GCA: variants seen among roughly 807,000 people sequenced by gnomAD.
The protein encoded by GCA is grancalcin.
GCA carries 30 observed loss-of-function variants against 32.6 expected under a neutral mutation model. That is an observed-to-expected ratio of 0.92 (90% CI 0.69 to 1.25). GCA has a LOEUF of 1.25. GCA is among the 50% of genes most tolerant of loss of function. The probability of loss-of-function intolerance (pLI) is 0.00; values close to 1 mark genes in which losing one functional copy is unlikely to be tolerated. For synonymous variants in GCA, 102 were observed against 84.6 expected (o/e 1.21, Z -1.13); for missense variants, 291 against 266.8 (o/e 1.09, Z -0.63).
At chr2:162,321,776 G>A (rs907659338) in intron 1 of GCA, among the ~76,000 whole-genome samples, 1 of 151,482 alleles carries the variant, frequency 6.6e-6, no homozygotes, top group Non-Finnish European at 1.5e-5. Flanking sequence ...ATGTTTATGT[G>A]CCCAATATGT....
chr2:162,344,068 G>C (rs1255017434), upstream of GCA: 1 of 650,238 alleles, frequency 1.5e-6, no homozygotes, highest in Non-Finnish European at 2.7e-6. Flanking sequence ...CAGCCAATCG[G>C]AACCGTGCAG....
chr2:162,344,535 G>C, intron 1 of GCA: 1 of 515,540 alleles, frequency 1.9e-6, no homozygotes, highest in East Asian at 3.1e-5. Context: ...TGTGTGTTTG[G>C]AAATTTATTT....
At chr2:162,341,267 T>TTATATATATA (rs3052040), upstream of GCA, among the ~76,000 whole-genome samples, 1,165 of 116,112 alleles carry the variant, frequency 0.01, 16 homozygotes, top group African/African-American at 0.012. Context: ...CTTATTTATT[T>TTATATATATA]TATATATATA....
chr2:162,319,314 C>T (rs1347810962), intron 1 of GCA: 1 of 448,542 alleles, frequency 2.2e-6, no homozygotes, highest in East Asian at 7.0e-5. Context: ...TGACCAGGAC[C>T]TGGTAACAGA....
chr2:162,348,390 G>T (rs1041753406), intron 2 of GCA, among the ~76,000 whole-genome samples: 14 of 151,986 alleles, frequency 9.2e-5, no homozygotes, highest in African/African-American at 3.1e-4. Flanking sequence ...TCAGAGTCTC[G>T]TAAATTTATT....
intron 1 of GCA, among the ~76,000 whole-genome samples, chr2:162,330,118 A>G (rs972329867): frequency 2.0e-4 from 31 of 152,212 alleles, no homozygotes; most frequent in Admixed American, 1.3e-4. Flanking sequence ...TATTGTGAAT[A>G]GTGCTGCAAT....
At chr2:162,369,711 G>C (rs975416057) in intron 4 of GCA, among the ~76,000 whole-genome samples, 3 of 152,036 alleles carry the variant, frequency 2.0e-5, no homozygotes, top group South Asian at 4.1e-4. Flanking sequence ...CCTGAACTTA[G>C]GCCGGCAATC....
chr2:162,336,043 C>A (rs1014886287), intron 1 of GCA, among the ~76,000 whole-genome samples: 1 of 152,078 alleles, frequency 6.6e-6, no homozygotes, highest in South Asian at 2.1e-4. Context: ...AGGTAGTTTC[C>A]TACATGGATG....
intron 3 of GCA, among the ~76,000 whole-genome samples, chr2:162,356,166 A>C (rs1197675045): frequency 7.9e-5 from 12 of 152,042 alleles, no homozygotes; most frequent in Admixed American, 6.6e-4. Flanking sequence ...CAAGTGCTTT[A>C]CATACCTGGA....
At chr2:162,332,763 A>T (rs1416924231) in intron 1 of GCA, among the ~76,000 whole-genome samples, 1 of 151,574 alleles carries the variant, frequency 6.6e-6, no homozygotes, top group East Asian at 1.9e-4. Context: ...CAACTTCCAC[A>T]CAAAAATAAT....
intron 5 of GCA, among the ~76,000 whole-genome samples, chr2:162,357,377 A>G (rs1685333783): frequency 6.6e-6 from 1 of 151,798 alleles, no homozygotes; most frequent in Non-Finnish European, 1.5e-5. Flanking sequence ...AGAGTAATTT[A>G]GAAGTATATA....
intron 1 of GCA, among the ~76,000 whole-genome samples, chr2:162,335,272 A>G (rs1288128006): frequency 6.6e-6 from 1 of 152,040 alleles, no homozygotes; most frequent in Non-Finnish European, 1.5e-5. Flanking sequence ...AAATTTAGCC[A>G]GACATGGTGG....
intron 1 of GCA, among the ~76,000 whole-genome samples, chr2:162,320,703 T>C (rs1683631576): frequency 3.9e-5 from 6 of 152,256 alleles, no homozygotes; most frequent in Admixed American, 3.9e-4. Context: ...ATTTAAAATA[T>C]GTTTATTAAG....
chr2:162,329,575 A>G (rs1339732337), intron 1 of GCA, among the ~76,000 whole-genome samples: 1 of 151,454 alleles, frequency 6.6e-6, no homozygotes, highest in South Asian at 2.1e-4. Flanking sequence ...ACATGTGAAG[A>G]TTTTCTAAAT....
Position 162,354,734 on chromosome 2 carries a change from C to T in GCA, c.263-1704C>T, listed in dbSNP as rs1327112302. ...TCTCAGATCTAGGTTGGTTAACTCA[C>T]ATCCATCAGCTCTTCAACTTGCAAA... On this transcript the variant is annotated intron_variant, in intron 3 of 7. Transcript: ENST00000437150. 2.0e-5 allele frequency among the ~76,000 whole-genome samples: 3 copies of T among 152,132 alleles called. No individual in the cohort carries two copies. In the East Asian group the frequency reaches 5.8e-4, roughly 29 times the overall value.
chr2:162,325,352 A>G (rs1347298597), intron 1 of GCA, among the ~76,000 whole-genome samples: 1 of 152,050 alleles, frequency 6.6e-6, no homozygotes, highest in Non-Finnish European at 1.5e-5. Context: ...CAAGGTGTCC[A>G]TTTTCAGGAG....
chr2:162,364,414 G>T (rs571215535), downstream of GCA, among the ~76,000 whole-genome samples: 33 of 151,470 alleles, frequency 2.2e-4, no homozygotes, highest in African/African-American at 7.7e-4. Flanking sequence ...GGTACCCTCA[G>T]ATTTATATTA....
intron 1 of GCA, among the ~76,000 whole-genome samples, chr2:162,329,322 TAAAGTA>T (rs1683994548): frequency 6.6e-6 from 1 of 152,196 alleles, no homozygotes; most frequent in South Asian, 2.1e-4. Flanking sequence ...GAAAAAGTCT[TAAAGTA>T]AGAGAGTAGG....
At chr2:162,363,792 T>TTATAGTATATAAGTATATAGTATA (rs1685669205), downstream of GCA, among the ~76,000 whole-genome samples, 1 of 151,548 alleles carries the variant, frequency 6.6e-6, no homozygotes, top group African/African-American at 2.4e-5. Context: ...TCTTATATAC[T>TTATAGTATATAAGTATATAGTATA]TAGCATTCCT....
Sources: gnomAD v4.1 joint callset for allele counts (sites outside exome capture counted in the v4.1 genomes callset) on GRCh38, gnomAD v4.1.1 for gene constraint, MANE v1.5 for transcripts, NCBI Gene and HGNC (gene_info 2026-07-23, HGNC 2026-07-21) for gene names.